Variants in PDE1A observed in about 807,000 individuals in gnomAD.
PDE1A encodes the protein phosphodiesterase 1A, also known as dual specificity calcium/calmodulin-dependent 3',5'-cyclic nucleotide phosphodiesterase 1A.
A neutral mutation model predicts 61.7 loss-of-function variants in PDE1A; 35 were observed. That is an observed-to-expected ratio of 0.57 (90% CI 0.43 to 0.75). PDE1A has a LOEUF of 0.75. PDE1A is among the 30% of genes least tolerant of loss of function. PDE1A has a pLI of 0.00. For synonymous variants in PDE1A, 232 were observed against 213.2 expected, an observed-to-expected ratio of 1.09 and a Z score of -0.77; for missense variants, 597 against 630.6, an observed-to-expected ratio of 0.95 and a Z score of 0.57.
At chr2:182,483,884 CAAGAA>C (rs1687851638) in intron 2 of PDE1A, among the ~76,000 whole-genome samples, 1 of 151,684 alleles carries the variant, frequency 6.6e-6, no homozygotes, top group Non-Finnish European at 1.5e-5. Context: ...CTATGTTAAC[CAAGAA>C]AAGACACAAT....
At chr2:182,315,327 C>G (rs1289564540) in intron 1 of PDE1A, among the ~76,000 whole-genome samples, 4 of 152,070 alleles carry the variant, frequency 2.6e-5, no homozygotes, top group Admixed American at 6.6e-5. Context: ...TATTTTTTTA[C>G]CATCTACTAT....
rs1339609716 is a variant in PDE1A at position 182,260,305 on chromosome 2, A to G, written c.167+3996T>C. Among the ~76,000 whole-genome samples, 8 of 152,346 alleles carry G rather than the reference A, an allele frequency of 5.3e-5. No individual in the cohort carries two copies. The East Asian group carries it at 9.6e-4, about 18-fold the overall frequency. The stretch of plus-strand genomic sequence containing the variant: ...CGAATTTTCTATCAAAAAACATTTC[A>G]GAAGTCAAAAGGTTTTTAAAGTTTA... On this transcript the variant is annotated intron_variant, in intron 2 of 13. Transcript: ENST00000351439.
the PDE1A span, among the ~76,000 whole-genome samples, chr2:182,711,694 T>C: frequency 7.0e-4 from 106 of 152,310 alleles, no homozygotes; most frequent in African/African-American, 2.5e-3. Context: ...CATCTTATTG[T>C]GCACTAAAAT....
intron 2 of PDE1A, chr2:182,522,205 T>C (rs1424727706): frequency 1.5e-6 from 2 of 1,294,342 alleles, no homozygotes; most frequent in Admixed American, 1.7e-5. Context: ...CAAAGGCGGA[T>C]AGCACCAACA....
At chr2:182,361,173 C>T (rs1009119563) in intron 1 of PDE1A, among the ~76,000 whole-genome samples, 5 of 152,062 alleles carry the variant, frequency 3.3e-5, no homozygotes, top group African/African-American at 1.2e-4. Context: ...GATTTTAACA[C>T]TTGCTTTTTT....
At chr2:182,643,302 GTTAA>G in the PDE1A span, among the ~76,000 whole-genome samples, 1 of 152,180 alleles carries the variant, frequency 6.6e-6, no homozygotes, top group Admixed American at 6.5e-5. Context: ...GTGCTGAGAG[GTTAA>G]TTAATTGCCT....
chr2:182,178,493 G>C (rs3769803), intron 13 of PDE1A, among the ~76,000 whole-genome samples: 1 of 151,958 alleles, frequency 6.6e-6, no homozygotes, highest in African/African-American at 2.4e-5. Context: ...AGTCTGAGAC[G>C]GGACCTGCTC....
chr2:182,356,678 G>T (rs1428796301), intron 1 of PDE1A, among the ~76,000 whole-genome samples: 1 of 152,048 alleles, frequency 6.6e-6, no homozygotes, highest in Non-Finnish European at 1.5e-5. Flanking sequence ...AGGTTGCAGT[G>T]AGCCAAGATG....
intron 1 of PDE1A, among the ~76,000 whole-genome samples, chr2:182,331,542 G>C (rs563499738): frequency 6.6e-6 from 1 of 152,270 alleles, no homozygotes; most frequent in Non-Finnish European, 1.5e-5. Context: ...AGGCAAACCT[G>C]GTGGTGACAA....
chr2:182,540,734 AT>A, the PDE1A span, among the ~76,000 whole-genome samples: 3 of 152,198 alleles, frequency 2.0e-5, no homozygotes, highest in Non-Finnish European at 2.9e-5. Context: ...GAAAACTGGT[AT>A]AAAATTTTCA....
intron 2 of PDE1A, among the ~76,000 whole-genome samples, chr2:182,253,950 GAAT>G (rs1470402196): frequency 6.6e-6 from 1 of 151,902 alleles, no homozygotes; most frequent in African/African-American, 2.4e-5. Flanking sequence ...TATGCAAATT[GAAT>G]AATATGTTGC....
intron 2 of PDE1A, among the ~76,000 whole-genome samples, chr2:182,455,818 A>T (rs1173155409): frequency 1.3e-5 from 2 of 151,980 alleles, no homozygotes; most frequent in Non-Finnish European, 2.9e-5. Flanking sequence ...ATGACGAGTT[A>T]ATGGGTGCAG....
At chr2:182,387,716 C>T (rs1701195192) in intron 1 of PDE1A, among the ~76,000 whole-genome samples, 1 of 151,240 alleles carries the variant, frequency 6.6e-6, no homozygotes, top group Non-Finnish European at 1.5e-5. Context: ...AAGATCATAC[C>T]ATTGCACTCC....
At chr2:182,299,631 G>A (rs1056278697) in intron 1 of PDE1A, among the ~76,000 whole-genome samples, 13 of 151,794 alleles carry the variant, frequency 8.6e-5, no homozygotes, top group Admixed American at 2.6e-4. Context: ...CAACAGCTCC[G>A]TTTACAGTTT....
chr2:182,296,747 G>T (rs1156420648), intron 1 of PDE1A, among the ~76,000 whole-genome samples: 1 of 152,184 alleles, frequency 6.6e-6, no homozygotes, highest in African/African-American at 2.4e-5. Context: ...TGGGTGTGCT[G>T]TGAGTGTTTC....
At chr2:182,479,766 T>C (rs1687591726) in intron 2 of PDE1A, among the ~76,000 whole-genome samples, 2 of 151,944 alleles carry the variant, frequency 1.3e-5, no homozygotes, top group African/African-American at 4.8e-5. Context: ...GTAATTATTG[T>C]ACTATATAAA....
chr2:182,297,422 G>A (rs2125907101), intron 1 of PDE1A, among the ~76,000 whole-genome samples: 1 of 152,312 alleles, frequency 6.6e-6, no homozygotes, highest in South Asian at 2.1e-4. Flanking sequence ...TGGCCACAAA[G>A]AGGAGGTCTG....
the PDE1A span, among the ~76,000 whole-genome samples, chr2:182,689,923 A>T: frequency 6.6e-6 from 1 of 152,332 alleles, no homozygotes; most frequent in East Asian, 1.9e-4. Context: ...TAAACTAGAA[A>T]ATTTAGAAGA....
intron 2 of PDE1A, among the ~76,000 whole-genome samples, chr2:182,250,024 C>A (rs1691282368): frequency 6.6e-6 from 1 of 152,178 alleles, no homozygotes; most frequent in African/African-American, 2.4e-5. Flanking sequence ...GTCCATGTCA[C>A]ATTTTTTGGT....
Sources: gnomAD v4.1 joint callset for allele counts (sites outside exome capture counted in the v4.1 genomes callset) on GRCh38, gnomAD v4.1.1 for gene constraint, MANE v1.5 for transcripts, NCBI Gene and HGNC (gene_info 2026-07-23, HGNC 2026-07-21) for gene names.